Variants in CTNNA3 observed in about 807,000 individuals in gnomAD.
CTNNA3 encodes the protein catenin alpha-3.
A neutral mutation model predicts 95.7 loss-of-function variants in CTNNA3; 76 were observed. That is an observed-to-expected ratio of 0.79 (90% CI 0.66 to 0.96). The LOEUF (loss-of-function observed/expected upper bound fraction) is 0.96. CTNNA3 is among the 40% of genes least tolerant of loss of function. The probability of loss-of-function intolerance (pLI) is 0.00; values close to 1 mark genes in which losing one functional copy is unlikely to be tolerated. For missense variants in CTNNA3, 1,191 were observed against 1,089.8 expected (o/e 1.09, Z -1.31); for synonymous variants, 431 against 374.4 (o/e 1.15, Z -1.74).
chr10:66,998,309 C>A (rs1851472072), intron 7 of CTNNA3, among the ~76,000 whole-genome samples: 1 of 152,000 alleles, frequency 6.6e-6, no homozygotes, highest in Non-Finnish European at 1.5e-5. Context: ...GTACTAGTTG[C>A]AGGAATAAAA....
At position 67,305,925 on chromosome 10, in the gene CTNNA3, C is replaced by T. The variant is rs80323993; in HGVS notation, c.580-86055G>A. On this transcript the variant is annotated intron_variant, in intron 5 of 17. Transcript: ENST00000433211. ...TATGGCATTTCACACCCAAAACAAG[C>T]GTTTGAGGAGATATTGGTCTATGGT... is the stretch of plus-strand genomic sequence containing the variant. Among the ~76,000 whole-genome samples the T allele has an allele frequency of 9.9e-4, 150 of 152,138 alleles. 1 individual carries two copies. The East Asian group carries it at 0.025, about 26-fold the overall frequency.
intron 1 of CTNNA3, among the ~76,000 whole-genome samples, chr10:67,726,605 T>TAA (rs1564841333): frequency 6.3e-4 from 17 of 26,968 alleles, no homozygotes; most frequent in African/African-American, 2.1e-3. Context: ...ATATTACATA[T>TAA]TATATAATAT....
intron 3 of CTNNA3, among the ~76,000 whole-genome samples, chr10:67,580,584 A>G (rs1842352674): frequency 1.3e-5 from 2 of 151,318 alleles, no homozygotes; most frequent in South Asian, 4.2e-4. Context: ...GTTTTTTCCA[A>G]TTCTGTGAAG....
intron 5 of CTNNA3, among the ~76,000 whole-genome samples, chr10:67,445,667 C>A (rs1467584965): frequency 6.6e-6 from 1 of 152,138 alleles, no homozygotes; most frequent in Non-Finnish European, 1.5e-5. Flanking sequence ...GCAGAGAGGT[C>A]TTTGGTTCTT....
At chr10:66,067,401 C>A (rs183651894) in intron 15 of CTNNA3, among the ~76,000 whole-genome samples, 1 of 152,286 alleles carries the variant, frequency 6.6e-6, no homozygotes, top group East Asian at 1.9e-4. Context: ...AGTCTATTAA[C>A]ATAAGATCAT....
intron 7 of CTNNA3, among the ~76,000 whole-genome samples, chr10:66,959,895 A>T (rs1849023382): frequency 6.6e-6 from 1 of 152,038 alleles, no homozygotes; most frequent in African/African-American, 2.4e-5. Context: ...CTCCAATCTC[A>T]AGACTCCCTC....
intron 7 of CTNNA3, among the ~76,000 whole-genome samples, chr10:67,158,812 C>A (rs1448449526): frequency 2.0e-5 from 3 of 150,744 alleles, no homozygotes; most frequent in Non-Finnish European, 2.9e-5. Context: ...CACAAGTGTA[C>A]TATATAAATC....
intron 14 of CTNNA3, among the ~76,000 whole-genome samples, chr10:66,077,848 A>T (rs1283423535): frequency 6.6e-6 from 1 of 151,634 alleles, no homozygotes; most frequent in Non-Finnish European, 1.5e-5. Flanking sequence ...AAGCCTTTAT[A>T]CTCTTTCCTC....
At chr10:66,472,225 A>AT (rs879369705) in intron 11 of CTNNA3, among the ~76,000 whole-genome samples, 1,634 of 147,908 alleles carry the variant, frequency 0.011, 34 homozygotes, top group African/African-American at 0.037. Flanking sequence ...ATGAATTTAG[A>AT]TTTTTTTTTT....
chr10:65,922,644 A>G (rs542264093), intron 17 of CTNNA3, among the ~76,000 whole-genome samples: 2 of 152,178 alleles, frequency 1.3e-5, no homozygotes, highest in Non-Finnish European at 2.9e-5. Context: ...GATTAACCAA[A>G]CTTTTTTTTC....
Position 67,287,053 on chromosome 10 carries a change from G to C in CTNNA3, c.580-67183C>G, listed in dbSNP as rs78199692. On this transcript the variant is annotated intron_variant, in intron 5 of 17. Coordinates refer to ENST00000433211, the MANE Select transcript of CTNNA3 (RefSeq NM_013266.4). ...TGGTGACTGGAACATGAAAAAACAT[G>C]CTGGGCCCGAGCGCGGTGGCTCGTG... 0.019 allele frequency among the ~76,000 whole-genome samples: 2,820 copies of C among 152,152 alleles called. 231 individuals are homozygous for C. The East Asian group carries it at 0.25, about 14-fold the overall frequency.
Position 66,980,976 on chromosome 10 carries a change from G to A in CTNNA3, c.1047+199341C>T, listed in dbSNP as rs555389711. On this transcript the variant is annotated intron_variant, in intron 7 of 17. Transcript: ENST00000433211. ...GGCTGGAGTGCGATGGTGTGATTTC[G>A]GCTCACCCCAACCTCCACCTCCCGG... 8.6e-5 allele frequency among the ~76,000 whole-genome samples: 13 copies of A among 151,860 alleles called. 1 individual carries two copies. The highest frequency in any genetic ancestry group is 1.7e-4 in the African/African-American group (7 of 41,414).
At chr10:66,231,484 C>A (rs2089587988) in intron 13 of CTNNA3, among the ~76,000 whole-genome samples, 3 of 152,006 alleles carry the variant, frequency 2.0e-5, no homozygotes. Context: ...AAGGGGGAAT[C>A]CTTCCAGAAT....
intron 7 of CTNNA3, among the ~76,000 whole-genome samples, chr10:66,967,388 A>G (rs987365746): frequency 3.3e-5 from 5 of 151,852 alleles, no homozygotes; most frequent in Non-Finnish European, 5.9e-5. Flanking sequence ...ATATCTACAT[A>G]TGTGTATATA....
chr10:67,371,234 T>A (rs151000583), intron 5 of CTNNA3, among the ~76,000 whole-genome samples: 2,937 of 151,114 alleles, frequency 0.019, 51 homozygotes, highest in African/African-American at 0.049. Flanking sequence ...ATATACATAT[T>A]TTTTTTCTAT....
At chr10:67,688,744 G>T (rs1415115332) in intron 1 of CTNNA3, among the ~76,000 whole-genome samples, 1 of 152,052 alleles carries the variant, frequency 6.6e-6, no homozygotes, top group Non-Finnish European at 1.5e-5. Context: ...CCTTGGTCTT[G>T]GTTTGTTTCT....
intron 5 of CTNNA3, among the ~76,000 whole-genome samples, chr10:67,458,509 G>A (rs1847253149): frequency 6.6e-6 from 1 of 152,022 alleles, no homozygotes; most frequent in Non-Finnish European, 1.5e-5. Context: ...ATATTCCAGT[G>A]TAAAACTTCT....
At chr10:67,148,702 G>A (rs1860949605) in intron 7 of CTNNA3, among the ~76,000 whole-genome samples, 1 of 152,094 alleles carries the variant, frequency 6.6e-6, no homozygotes, top group South Asian at 2.1e-4. Context: ...TCTTACATGT[G>A]GGAGCAAATG....
intron 13 of CTNNA3, among the ~76,000 whole-genome samples, chr10:66,244,439 C>G (rs538429089): frequency 6.6e-6 from 1 of 152,296 alleles, no homozygotes; most frequent in African/African-American, 2.4e-5. Context: ...GGGCTTTGAG[C>G]AAGACCCAGT....
Sources: allele counts gnomAD v4.1 joint callset (sites outside exome capture counted in the v4.1 genomes callset), GRCh38; gene constraint gnomAD v4.1.1; transcripts MANE v1.5; gene names NCBI Gene and HGNC (gene_info 2026-07-23, HGNC 2026-07-21).